Variants in SETD2 observed in about 807,000 individuals in gnomAD.
SETD2 encodes SET domain containing 2, histone lysine methyltransferase.
In SETD2, 31 loss-of-function variants were observed where a neutral mutation model predicts 242.1. The observed-to-expected ratio is 0.13, with a 90% CI of 0.10 to 0.17. The LOEUF (loss-of-function observed/expected upper bound fraction) is 0.17. SETD2 is among the 10% of genes least tolerant of loss of function. The probability of loss-of-function intolerance (pLI) is 1.00; values close to 1 mark genes in which losing one functional copy is unlikely to be tolerated. For synonymous variants in SETD2, 1,006 were observed against 1,066.5 expected (o/e 0.94, Z 1.11); for missense variants, 2,481 against 3,046.3 (o/e 0.81, Z 4.37).
At chr3:47,156,630 T>C (rs1488975205) in intron 1 of SETD2, among the ~76,000 whole-genome samples, 1 of 152,302 alleles carries the variant, frequency 6.6e-6, no homozygotes, top group Admixed American at 6.5e-5. Flanking sequence ...CCAAGTACTA[T>C]ACTGGCCTCC....
chr3:47,130,616 G>C (rs1480363039), intron 1 of SETD2, among the ~76,000 whole-genome samples: 1 of 152,136 alleles, frequency 6.6e-6, no homozygotes, highest in Non-Finnish European at 1.5e-5. Flanking sequence ...TTGAAGAAAG[G>C]TTGATGAAAC....
At chr3:47,072,176 C>T (rs746391891) in intron 12 of SETD2, among the ~76,000 whole-genome samples, 17 of 152,062 alleles carry the variant, frequency 1.1e-4, no homozygotes, top group Middle Eastern at 3.4e-3. Context: ...GGCCTGGTGG[C>T]GGGTGCCTGT....
At position 47,057,078 on chromosome 3, in the gene SETD2, A is replaced by G. The variant is rs1042427777; in HGVS notation, c.6706T>C (p.Ser2236Pro). 13 of 1,614,106 alleles carry G rather than the reference A, an allele frequency of 8.1e-6. No homozygotes were observed. Among genetic ancestry groups the G allele is most frequent in the Admixed American group, 5.0e-5 (3 of 60,008 alleles). ...VPHVAAPVEV[S>P]SSQYVAQSDG... ...CTCTGGGCCACATACTGGGAACTGG[A>G]AACTTCCACAGGAGCTGCCACATGT... Residue 2236 changes from serine (S) to proline (P), a missense_variant, in exon 15 of 21, where the codon TCC becomes CCC. Physicochemically the swap from Ser to Pro is moderately conservative, Grantham distance 74. Around this residue, in one of 17 missense-constraint regions of SETD2, gnomAD observed 235 missense variants for 293.9 expected, o/e 0.80. Coordinates refer to ENST00000409792, the MANE Select transcript of SETD2 (RefSeq NM_014159.7).
intron 9 of SETD2, among the ~76,000 whole-genome samples, chr3:47,089,974 G>A (rs2107655818): frequency 6.6e-6 from 1 of 152,318 alleles, no homozygotes. Flanking sequence ...TGGGCCAGAT[G>A]CAGTGGCTCA....
Position 47,019,783 on chromosome 3 carries a change from TTTTC to T in SETD2, c.7404_7407del (p.Lys2469AlafsTer17). On this transcript the variant is annotated frameshift_variant, in exon 19 of 21. Coordinates refer to ENST00000409792, the MANE Select transcript of SETD2 (RefSeq NM_014159.7). LOFTEE classifies it high-confidence loss of function. Reference sequence around the variant, plus strand: ...ACCTCTTTTCTGAATACTTCTTTGCTTTTCTTTGCTAGTTCACTGGAGGTGTCTG... The same window carrying T: ...ACCTCTTTTCTGAATACTTCTTTGCTTTTGCTAGTTCACTGGAGGTGTCTG... The T allele has an allele frequency of 6.2e-7, 1 of 1,613,924 alleles. No individual in the cohort carries two copies. The highest frequency in any genetic ancestry group is 2.2e-5 in the East Asian group (1 of 44,894).
chr3:47,118,682 G>T (rs2042957136), intron 3 of SETD2, among the ~76,000 whole-genome samples: 1 of 149,284 alleles, frequency 6.7e-6, no homozygotes, highest in African/African-American at 2.5e-5. Context: ...AAAAAAAAAA[G>T]TTAAATATAT....
intron 14 of SETD2, among the ~76,000 whole-genome samples, chr3:47,058,111 A>G (rs1286480386): frequency 6.6e-6 from 1 of 152,210 alleles, no homozygotes; most frequent in East Asian, 1.9e-4. Context: ...AGTTAAGGGA[A>G]GCCAGAAAAC....
chr3:47,121,710 T>C lies in SETD2; in HGVS notation c.2926A>G (p.Arg976Gly), dbSNP rs115097110. ...CTTTCATCTAAAGAGATTTCTGGTCTTCCTCTTCTTTCAGGCAATATGGAA... is the reference window on the plus strand; with the variant it reads ...CTTTCATCTAAAGAGATTTCTGGTCCTCCTCTTCTTTCAGGCAATATGGAA... ...GNSILPERRGRPEISLDERGE... is the reference protein window; with the variant it reads ...GNSILPERRGGPEISLDERGE... The change falls in exon 3 of 21, where the codon AGA becomes GGA. Residue 976 changes from arginine to glycine, a missense_variant. Arg to Gly is a moderately radical substitution (Grantham distance 125). Transcript: ENST00000409792. 6 of 1,614,036 alleles carry C rather than the reference T, an allele frequency of 3.7e-6. No individual in the cohort carries two copies. Among genetic ancestry groups the C allele is most frequent in the Non-Finnish European group, 4.2e-6 (5 of 1,180,002 alleles).
chr3:47,033,039 T>TA (rs914254877), intron 18 of SETD2, among the ~76,000 whole-genome samples: 24 of 151,544 alleles, frequency 1.6e-4, no homozygotes, highest in Admixed American at 1.2e-3. Context: ...TAAATTTTAC[T>TA]AAAAAAAAAT....
At chr3:47,094,803 T>C (rs2041942768) in intron 9 of SETD2, among the ~76,000 whole-genome samples, 2 of 152,204 alleles carry the variant, frequency 1.3e-5, no homozygotes, top group Admixed American at 1.3e-4. Context: ...TAACTTCAAA[T>C]TCATATCTGG....
chr3:47,062,367 GTT>G (rs751382451), intron 13 of SETD2, 21 bp from the exon 14 acceptor site: 2 of 1,413,436 alleles, frequency 1.4e-6, no homozygotes, highest in East Asian at 5.3e-5. Context: ...AGGGTGGTTT[GTT>G]TGTTTTTTTT....
chr3:47,044,109 G>A (rs1458619358), intron 16 of SETD2, among the ~76,000 whole-genome samples: 4 of 151,888 alleles, frequency 2.6e-5, no homozygotes, highest in East Asian at 1.9e-4. Context: ...TTGGAAGGCC[G>A]AGGCAGGTGG....
intron 12 of SETD2, 60 bp downstream of exon 12, chr3:47,083,660 G>A (rs2041412973): frequency 1.3e-6 from 2 of 1,488,468 alleles, no homozygotes; most frequent in Admixed American, 2.2e-5. Context: ...TTTTGCTTAG[G>A]TTTGTAGAAC....
intron 7 of SETD2, 102 bp from the exon 8 acceptor site, chr3:47,101,657 A>G: frequency 1.6e-6 from 1 of 634,542 alleles, no homozygotes; most frequent in Middle Eastern, 3.5e-4. Flanking sequence ...GATCATCATC[A>G]TCTGCCTTAA....
chr3:47,121,314 A>G lies in SETD2; in HGVS notation c.3322T>C (p.Ser1108Pro), dbSNP rs753416941. 9.9e-6 allele frequency: 16 copies of G among 1,611,966 alleles called. 1 individual carries two copies. In the South Asian group the frequency reaches 1.8e-4, roughly 18 times the overall value. ...SDHWEDERLE[S>P]RRHLYEEKFE... is the part of the protein sequence containing the mutation. Reference sequence around the variant, plus strand: ...TTTTCCTCATACAAATGTCTCCTTGACTCCAATCTCTCATCTTCCCAATGG... The same window carrying G: ...TTTTCCTCATACAAATGTCTCCTTGGCTCCAATCTCTCATCTTCCCAATGG... The change falls in exon 3 of 21, where the codon TCA (serine) becomes CCA (proline). Residue 1108 changes from serine (S) to proline (P), a missense_variant. Transcript: ENST00000409792.
chr3:47,138,332 C>T (rs547317931), intron 1 of SETD2: 10 of 245,316 alleles, frequency 4.1e-5, no homozygotes, highest in East Asian at 4.0e-4. Flanking sequence ...TACAGTGGCG[C>T]GATCTCAGCT....
intron 1 of SETD2, among the ~76,000 whole-genome samples, chr3:47,139,662 T>C (rs2043680430): frequency 6.6e-6 from 1 of 152,080 alleles, no homozygotes; most frequent in Admixed American, 6.6e-5. Flanking sequence ...AAAAGCAAGA[T>C]ATATAGGCCA....
At chr3:47,066,778 AT>A (rs1174306076) in intron 13 of SETD2, among the ~76,000 whole-genome samples, 20 of 150,486 alleles carry the variant, frequency 1.3e-4, no homozygotes, top group African/African-American at 4.6e-4. Context: ...AAAAGACTAA[AT>A]AAAAAAAATA....
chr3:47,122,275 T>C lies in SETD2; in HGVS notation c.2361A>G (p.Lys787=), dbSNP rs2106674017. Residue 787 remains lysine, a synonymous_variant, in exon 3 of 21, where the codon AAA becomes AAG. Transcript: ENST00000409792. Reference sequence around the variant, plus strand: ...TACAGTATATGTCTGAATCTTTGGTTTTGCAGCAAGAAACCCTCGTATCAA... The same window carrying C: ...TACAGTATATGTCTGAATCTTTGGTCTTGCAGCAAGAAACCCTCGTATCAA... ...EPVDTRVSCC[K]TKDSDIYCTL... The C allele has an allele frequency of 6.2e-7, 1 of 1,614,150 alleles. No individual in the cohort carries two copies. The highest frequency in any genetic ancestry group is 1.1e-5 in the South Asian group (1 of 91,082).
Sources: gnomAD v4.1 joint callset for allele counts (sites outside exome capture counted in the v4.1 genomes callset) on GRCh38, gnomAD v4.1.1 for gene constraint, gnomAD v4.1.1 regional missense constraint, MANE v1.5 for transcripts, NCBI Gene and HGNC (gene_info 2026-07-23, HGNC 2026-07-21) for gene names.